Variants in RUNDC3B observed in about 807,000 individuals in gnomAD.
RUNDC3B encodes the protein RUN domain-containing protein 3B.
RUNDC3B carries 33 observed loss-of-function variants against 58.4 expected under a neutral mutation model. The observed-to-expected ratio is 0.56, with a 90% CI of 0.43 to 0.75. The LOEUF (loss-of-function observed/expected upper bound fraction) is 0.75. Ranked by LOEUF, RUNDC3B falls within the 30% of genes least tolerant of loss-of-function variation. RUNDC3B has a pLI of 0.00. For synonymous variants in RUNDC3B, 193 were observed against 195.2 expected (o/e 0.99, Z 0.10); for missense variants, 501 against 535.7 (o/e 0.94, Z 0.64).
chr7:87,630,916 T>C (rs903081884), intron 1 of RUNDC3B, among the ~76,000 whole-genome samples: 24 of 152,302 alleles, frequency 1.6e-4, no homozygotes, highest in African/African-American at 5.8e-4. Flanking sequence ...CTTTAAGAAA[T>C]TTTAGGAACG....
intron 2 of RUNDC3B, among the ~76,000 whole-genome samples, chr7:87,675,530 G>A (rs532058545): frequency 2.1e-4 from 31 of 150,706 alleles, no homozygotes; most frequent in Non-Finnish European, 4.4e-4. Flanking sequence ...ACAAAGTAGA[G>A]AACCCAGAAA....
intron 4 of RUNDC3B, among the ~76,000 whole-genome samples, chr7:87,724,977 T>C (rs1831130735): frequency 6.6e-6 from 1 of 152,088 alleles, no homozygotes; most frequent in Non-Finnish European, 1.5e-5. Context: ...AATAAATTAA[T>C]TTTCATATCA....
rs573064745 is a variant in RUNDC3B at position 87,814,912 on chromosome 7, T to C, written c.1104-1229T>C. ...AAATATTTACCTGTTGTATATTCAT[T>C]ATGAATATATGTTGTCCATTCGTTA... is the stretch of plus-strand genomic sequence containing the variant. On this transcript the variant is annotated intron_variant, in intron 9 of 10. Transcript: ENST00000394654. Among the ~76,000 whole-genome samples, 185 of 152,294 alleles carry C rather than the reference T, an allele frequency of 1.2e-3. 1 individual carries two copies. Among genetic ancestry groups the C allele is most frequent in the Non-Finnish European group, 1.6e-3 (106 of 67,998 alleles).
chr7:87,671,079 A>G (rs1825780676), intron 2 of RUNDC3B, among the ~76,000 whole-genome samples: 1 of 152,018 alleles, frequency 6.6e-6, no homozygotes, highest in South Asian at 2.1e-4. Flanking sequence ...ACCCAGAGAG[A>G]TATAGGTCAG....
At chr7:87,810,884 T>C (rs997815812) in intron 9 of RUNDC3B, among the ~76,000 whole-genome samples, 25 of 152,144 alleles carry the variant, frequency 1.6e-4, no homozygotes, top group African/African-American at 4.3e-4. Context: ...AAGCCTGTAA[T>C]ACTTTAACTT....
At chr7:87,674,010 A>G (rs906809056) in intron 2 of RUNDC3B, among the ~76,000 whole-genome samples, 5 of 152,158 alleles carry the variant, frequency 3.3e-5, no homozygotes, top group South Asian at 4.1e-4. Context: ...GCTGTGTGCT[A>G]TAACTCTGGG....
At chr7:87,761,266 C>G (rs1833665094) in intron 6 of RUNDC3B, among the ~76,000 whole-genome samples, 1 of 151,900 alleles carries the variant, frequency 6.6e-6, no homozygotes, top group South Asian at 2.1e-4. Context: ...CAAATTCAAA[C>G]CACAGTAAGA....
intron 6 of RUNDC3B, among the ~76,000 whole-genome samples, chr7:87,768,777 A>G (rs947835013): frequency 1.3e-5 from 2 of 152,058 alleles, no homozygotes; most frequent in Non-Finnish European, 2.9e-5. Context: ...CATGGTCTCC[A>G]ACAGGTTTCA....
chr7:87,759,290 A>C (rs1425642904), intron 6 of RUNDC3B, among the ~76,000 whole-genome samples: 1 of 152,174 alleles, frequency 6.6e-6, no homozygotes, highest in African/African-American at 2.4e-5. Context: ...AGTTAAGCTC[A>C]TGAAGATAGA....
chr7:87,648,797 A>G lies in RUNDC3B; in HGVS notation c.123-2025A>G, dbSNP rs28381760. On this transcript the variant is annotated intron_variant, in intron 1 of 10. Transcript: ENST00000394654. ...TTATAATTTTTACTTAATTATAAAG[A>G]TTATTTTGCATGGTTTCAACTTGCA... 4.8e-3 allele frequency among the ~76,000 whole-genome samples: 729 copies of G among 152,238 alleles called. 4 individuals are homozygous for G. Among genetic ancestry groups the G allele is most frequent in the African/African-American group, 0.017 (690 of 41,540 alleles).
At chr7:87,666,929 C>G (rs1825314063) in intron 2 of RUNDC3B, among the ~76,000 whole-genome samples, 1 of 152,072 alleles carries the variant, frequency 6.6e-6, no homozygotes, top group Non-Finnish European at 1.5e-5. Context: ...TGTGATGCCT[C>G]TACCTTTGCT....
At chr7:87,660,450 G>A (rs1023972186) in intron 2 of RUNDC3B, among the ~76,000 whole-genome samples, 1 of 151,944 alleles carries the variant, frequency 6.6e-6, no homozygotes, top group Non-Finnish European at 1.5e-5. Context: ...TCAGCTGAAT[G>A]GTTTTTAAAA....
At position 87,723,839 on chromosome 7, in the gene RUNDC3B, A is replaced by G. The variant is rs1424080547; in HGVS notation, c.458+13184A>G. ...CAAAAATCAGCCAATATTTAAAAAA[A>G]AAGTGAAATTGGAATATAGGAAAAA... is the stretch of plus-strand genomic sequence containing the variant. On this transcript the variant is annotated intron_variant, in intron 4 of 10. Coordinates refer to ENST00000394654, the MANE Select transcript of RUNDC3B (RefSeq NM_001134405.2). Among the ~76,000 whole-genome samples the G allele has an allele frequency of 7.2e-5, 11 of 152,342 alleles. No homozygotes were observed. In the East Asian group the frequency reaches 1.7e-3, roughly 24 times the overall value.
chr7:87,818,497 G>C (rs1278970957), intron 10 of RUNDC3B, among the ~76,000 whole-genome samples: 4 of 152,162 alleles, frequency 2.6e-5, no homozygotes, highest in Non-Finnish European at 5.9e-5. Flanking sequence ...TTAAAAAACT[G>C]AGGAATTTTG....
intron 6 of RUNDC3B, among the ~76,000 whole-genome samples, chr7:87,768,780 A>C (rs1464369468): frequency 6.6e-6 from 1 of 152,006 alleles, no homozygotes; most frequent in Admixed American, 6.6e-5. Flanking sequence ...GGTCTCCAAC[A>C]GGTTTCAACA....
At chr7:87,819,785 C>A (rs1326848244) in intron 10 of RUNDC3B, among the ~76,000 whole-genome samples, 1 of 152,290 alleles carries the variant, frequency 6.6e-6, no homozygotes, top group South Asian at 2.1e-4. Flanking sequence ...TCCTGAGTGA[C>A]TACTGGGTAC....
intron 8 of RUNDC3B, among the ~76,000 whole-genome samples, chr7:87,779,709 G>A (rs556484088): frequency 8.5e-5 from 13 of 152,088 alleles, no homozygotes; most frequent in Non-Finnish European, 1.5e-4. Context: ...TGAGATTTGC[G>A]GTATGATTGA....
At chr7:87,764,032 C>A (rs1336679134) in intron 6 of RUNDC3B, among the ~76,000 whole-genome samples, 1 of 151,754 alleles carries the variant, frequency 6.6e-6, no homozygotes, top group Non-Finnish European at 1.5e-5. Flanking sequence ...TTCTTTAGTT[C>A]ATGTCTTTCT....
chr7:87,724,008 G>C (rs1299272515), intron 4 of RUNDC3B, among the ~76,000 whole-genome samples: 1 of 152,118 alleles, frequency 6.6e-6, no homozygotes, highest in African/African-American at 2.4e-5. Context: ...AACCATTTGA[G>C]CCCAGGAGTT....
Sources: gnomAD v4.1 joint callset for allele counts (sites outside exome capture counted in the v4.1 genomes callset) on GRCh38, gnomAD v4.1.1 for gene constraint, MANE v1.5 for transcripts, NCBI Gene and HGNC (gene_info 2026-07-23, HGNC 2026-07-21) for gene names.